Variants in ABCA5 observed in about 807,000 individuals in gnomAD.
ABCA5 encodes the protein cholesterol transporter ABCA5.
Under a neutral mutation model 206.0 loss-of-function variants are expected in ABCA5, and 163 were observed. The ratio of observed to expected loss-of-function variants is 0.79; its 90% CI spans 0.70 to 0.90. The LOEUF (loss-of-function observed/expected upper bound fraction) is 0.90, where lower values mean the gene tolerates loss of function less well. Among genes scored for constraint, ABCA5 ranks in the 40% least tolerant of loss-of-function variants. The probability of loss-of-function intolerance (pLI) is 0.00; values close to 1 mark genes in which losing one functional copy is unlikely to be tolerated. For missense variants in ABCA5, 1,859 were observed against 1,912.9 expected, an observed-to-expected ratio of 0.97 and a Z score of 0.53; for synonymous variants, 609 against 613.8, an observed-to-expected ratio of 0.99 and a Z score of 0.11.
chr17:69,276,580 C>T (rs569023166), intron 19 of ABCA5, among the ~76,000 whole-genome samples: 1 of 152,242 alleles, frequency 6.6e-6, no homozygotes, highest in South Asian at 2.1e-4. Context: ...CACATGTTCT[C>T]ACTCATAAGT....
chr17:69,316,107 A>C (rs2075813643), intron 1 of ABCA5, among the ~76,000 whole-genome samples: 3 of 152,320 alleles, frequency 2.0e-5, no homozygotes, highest in Non-Finnish European at 4.4e-5. Flanking sequence ...AACAGAAAAA[A>C]AGTCAGGAAA....
rs1307258481 is a variant in ABCA5 at position 69,313,249 on chromosome 17, G to C, written c.150C>G (p.Ser50Arg). The change falls in exon 3 of 39, where the codon AGC becomes AGG. Residue 50 changes from serine to arginine, a missense_variant. Transcript: ENST00000392676. ...CATATTTCTTATTTGGATGCATCAT[G>C]CTAATTAATATTAACCAAAATAAAA... is the stretch of plus-strand genomic sequence containing the variant. ...LFFLFWLILI[S>R]MMHPNKKYEE... The C allele has an allele frequency of 2.7e-6, 4 of 1,499,818 alleles. No individual in the cohort carries two copies. In the East Asian group the frequency reaches 9.1e-5, roughly 34 times the overall value. The allele number at this position is 1,499,818 out of a possible 1,614,324, so 92.9% of individuals were successfully genotyped here.
At chr17:69,322,451 G>C (rs2075872684) in intron 1 of ABCA5, among the ~76,000 whole-genome samples, 1 of 146,298 alleles carries the variant, frequency 6.8e-6, no homozygotes. Flanking sequence ...TAATAAAAAT[G>C]TACATAACCT....
chr17:69,270,454 C>T (rs1278341895), intron 22 of ABCA5, among the ~76,000 whole-genome samples, 159 bp downstream of exon 22: 1 of 151,964 alleles, frequency 6.6e-6, no homozygotes, highest in Non-Finnish European at 1.5e-5. Flanking sequence ...CTGGGGAATC[C>T]TAAACCTTAA....
chr17:69,277,141 T>C (rs936605861), intron 19 of ABCA5, among the ~76,000 whole-genome samples: 2 of 152,226 alleles, frequency 1.3e-5, no homozygotes, highest in Non-Finnish European at 2.9e-5. Flanking sequence ...CCAGATCTAC[T>C]AGCTATGTAG....
intron 37 of ABCA5, chr17:69,249,687 T>C (rs1598143660): frequency 1.9e-6 from 1 of 524,664 alleles, no homozygotes; most frequent in Non-Finnish European, 3.3e-6. Flanking sequence ...GTGTCTTAGA[T>C]TAAATGAATA....
At position 69,306,735 on chromosome 17, in the gene ABCA5, T is replaced by A. The variant is rs1242037672; in HGVS notation, c.778A>T (p.Thr260Ser). ...EFLKIMGLHD[T>S]AFWLSWVLLY... ...TTTTTAATAACATACCAAAAGGCAG[T>A]ATCATGAAGTCCCATTATCTTTAAA... Residue 260 changes from threonine to serine, a missense_variant, in exon 6 of 39, where the codon ACT becomes TCT. Thr to Ser is a moderately conservative substitution (Grantham distance 58). Transcript: ENST00000392676. 2 of 1,438,798 alleles carry A rather than the reference T, an allele frequency of 1.4e-6. No homozygotes were observed. The highest frequency in any genetic ancestry group is 5.1e-5 in the East Asian group (2 of 39,576). The allele number at this position is 1,438,798 out of a possible 1,614,324, so 89.1% of individuals were successfully genotyped here. A position where few individuals can be genotyped will look rare whatever the true frequency, so the allele number is the denominator to read the frequency against.
intron 28 of ABCA5, among the ~76,000 whole-genome samples, chr17:69,258,934 T>C (rs1567752660): frequency 6.6e-6 from 1 of 151,994 alleles, no homozygotes; most frequent in Non-Finnish European, 1.5e-5. Context: ...TGGAAGAATA[T>C]GTAAAAAAGA....
intron 3 of ABCA5, 112 bp downstream of exon 3, chr17:69,312,980 T>C (rs1334113866): frequency 1.8e-6 from 1 of 553,724 alleles, no homozygotes; most frequent in Non-Finnish European, 2.8e-6. Flanking sequence ...CTGACTTTGG[T>C]GGAGGAACAC....
intron 18 of ABCA5, among the ~76,000 whole-genome samples, chr17:69,281,327 G>A (rs978790097): frequency 6.6e-6 from 1 of 151,656 alleles, no homozygotes; most frequent in Non-Finnish European, 1.5e-5. Flanking sequence ...TTAATTTTAT[G>A]TAGTGGTTCA....
intron 31 of ABCA5, 130 bp from the exon 32 acceptor site, chr17:69,254,620 C>CATT: frequency 1.8e-6 from 1 of 564,236 alleles, no homozygotes; most frequent in Non-Finnish European, 2.9e-6. Flanking sequence ...CCTTTATTGT[C>CATT]ATTATTATTA....
At chr17:69,317,469 C>G (rs545512842) in intron 1 of ABCA5, among the ~76,000 whole-genome samples, 118 of 142,084 alleles carry the variant, frequency 8.3e-4, no homozygotes, top group African/African-American at 3.0e-3. Flanking sequence ...ACATACAAAA[C>G]GTTATGTCAA....
At chr17:69,303,797 T>TACACAC (rs1230567380) in intron 7 of ABCA5, among the ~76,000 whole-genome samples, 1 of 6,532 alleles carries the variant, frequency 1.5e-4, no homozygotes, top group Non-Finnish European at 2.0e-3. Flanking sequence ...TATATATATA[T>TACACAC]ATATATATAT....
rs759169436 is a variant in ABCA5 at position 69,286,190 on chromosome 17, A to G, written c.2132+31T>C. ...AATAACAGTATAGCAAGAGTATAAT[A>G]TAGAATAATGTCAATAAAAATGAAT... On this transcript the variant is annotated intron_variant, in intron 16 of 38. Transcript: ENST00000392676. 4 of 1,582,998 alleles carry G rather than the reference A, an allele frequency of 2.5e-6. No homozygotes were observed. The African/African-American group carries it at 5.4e-5, about 22-fold the overall frequency.
At chr17:69,281,887 G>A (rs576222471) in intron 18 of ABCA5, among the ~76,000 whole-genome samples, 6 of 152,102 alleles carry the variant, frequency 3.9e-5, no homozygotes, top group South Asian at 2.1e-4. Flanking sequence ...TCACCCACTC[G>A]GCATTCATGC....
intron 6 of ABCA5, among the ~76,000 whole-genome samples, chr17:69,306,319 T>A (rs929076144): frequency 2.6e-5 from 4 of 152,112 alleles, no homozygotes; most frequent in Non-Finnish European, 4.4e-5. Context: ...TTTTTAATAT[T>A]ATATATATGC....
intron 20 of ABCA5, among the ~76,000 whole-genome samples, chr17:69,272,546 T>G (rs1348846832): frequency 6.6e-6 from 1 of 151,586 alleles, no homozygotes; most frequent in Non-Finnish European, 1.5e-5. Context: ...ACATGTACAA[T>G]TCCCTGGACA....
intron 34 of ABCA5, among the ~76,000 whole-genome samples, chr17:69,253,070 G>A (rs1325316866): frequency 6.6e-6 from 1 of 152,052 alleles, no homozygotes; most frequent in Non-Finnish European, 1.5e-5. Flanking sequence ...TAGCCTAGGA[G>A]TAATAGGCTA....
At chr17:69,295,334 T>C (rs1396393806) in intron 10 of ABCA5, among the ~76,000 whole-genome samples, 2 of 152,140 alleles carry the variant, frequency 1.3e-5, no homozygotes, top group Non-Finnish European at 2.9e-5. Flanking sequence ...GCAATTCCTA[T>C]GGATCCCATG....
Sources: gnomAD v4.1 joint callset for allele counts (sites outside exome capture counted in the v4.1 genomes callset) on GRCh38, gnomAD v4.1.1 for gene constraint, MANE v1.5 for transcripts, NCBI Gene and HGNC (gene_info 2026-07-23, HGNC 2026-07-21) for gene names.